Variants in COL6A5 observed in about 807,000 individuals in gnomAD.
COL6A5 encodes the protein collagen type VI alpha 5 chain, also known as collagen alpha-5(VI) chain.
Under a neutral mutation model 65.6 loss-of-function variants are expected in COL6A5, and 48 were observed. The ratio of observed to expected loss-of-function variants is 0.73; its 90% CI spans 0.58 to 0.93. The LOEUF (loss-of-function observed/expected upper bound fraction) is 0.93. Among genes scored for constraint, COL6A5 ranks in the 40% least tolerant of loss-of-function variants. The pLI is 0.00. For missense variants in COL6A5, 914 were observed against 928.3 expected (o/e 0.98, Z 0.20); for synonymous variants, 291 against 322.8 (o/e 0.90, Z 1.05).
intron 7 of COL6A5, among the ~76,000 whole-genome samples, chr3:130,482,099 T>G (rs1710262385): frequency 6.6e-6 from 1 of 152,190 alleles, no homozygotes; most frequent in African/African-American, 2.4e-5. Flanking sequence ...CTTTTGGTGT[T>G]TTAGTCATGA....
intron 1 of COL6A5, among the ~76,000 whole-genome samples, chr3:130,356,226 T>G (rs1156511878): frequency 4.6e-5 from 7 of 152,120 alleles, no homozygotes; most frequent in Admixed American, 3.9e-4. Context: ...ATTGAAGAGA[T>G]AACTGTCATA....
intron 1 of COL6A5, among the ~76,000 whole-genome samples, chr3:130,366,883 A>G (rs538296503): frequency 1.3e-5 from 2 of 152,108 alleles, no homozygotes; most frequent in Admixed American, 6.5e-5. Flanking sequence ...TAGGTTTATG[A>G]CCTTTACTGA....
chr3:130,403,718 C>CAT, intron 13 of COL6A5, 56 bp downstream of exon 13: 1 of 1,238,360 alleles, frequency 8.1e-7, no homozygotes, highest in East Asian at 2.6e-5. Flanking sequence ...TACACACACA[C>CAT]ACACACACAC....
chr3:130,442,302 C>T (rs181431861), intron 3 of COL6A5, among the ~76,000 whole-genome samples: 2 of 152,242 alleles, frequency 1.3e-5, no homozygotes, highest in African/African-American at 2.4e-5. Flanking sequence ...TTAAGGCACT[C>T]CTAAAACAAC....
In COL6A5 at chr3:130,414,133, T is replaced by C. The variant is rs939645342; in HGVS notation, c.4761+2T>C. ...GCTGAAGGATTACAAGGCCCACAGG[T>C]GTGTTGGAATATTTTGTAAATATTG... On this transcript the variant is annotated splice_donor_variant and NMD_transcript_variant, in intron 22 of 41. Coordinates refer to the COL6A5 transcript ENST00000312481. The C allele has an allele frequency of 1.9e-5, 29 of 1,546,526 alleles. No homozygotes were observed. In the Admixed American group the frequency reaches 5.3e-4, roughly 28 times the overall value.
At chr3:130,421,730 A>G (rs992479046) in intron 27 of COL6A5, among the ~76,000 whole-genome samples, 3 of 152,058 alleles carry the variant, frequency 2.0e-5, no homozygotes, top group African/African-American at 4.8e-5. Flanking sequence ...AAAGATTACA[A>G]TATCCTTCTA....
At chr3:130,459,424 C>A (rs1054394692) in intron 5 of COL6A5, among the ~76,000 whole-genome samples, 1 of 152,084 alleles carries the variant, frequency 6.6e-6, no homozygotes, top group Non-Finnish European at 1.5e-5. Flanking sequence ...TAAAAACTCA[C>A]CTGGGAGCAG....
intron 20 of COL6A5, among the ~76,000 whole-genome samples, chr3:130,412,878 A>G (rs542222725): frequency 1.3e-5 from 2 of 152,286 alleles, no homozygotes; most frequent in South Asian, 2.1e-4. Context: ...TTCCATGGCT[A>G]CATTTCTGAA....
At chr3:130,354,903 A>G (rs1439090724) in intron 1 of COL6A5, among the ~76,000 whole-genome samples, 1 of 152,230 alleles carries the variant, frequency 6.6e-6, no homozygotes, top group Non-Finnish European at 1.5e-5. Flanking sequence ...GAGATGTGCC[A>G]TAGAAGTAAA....
intron 1 of COL6A5, among the ~76,000 whole-genome samples, chr3:130,357,312 G>C (rs1421424692): frequency 6.6e-6 from 1 of 152,218 alleles, no homozygotes; most frequent in Non-Finnish European, 1.5e-5. Context: ...CTGGTAACCT[G>C]GAAGGAACTG....
chr3:130,398,018 T>A lies in COL6A5; in HGVS notation c.3910-12T>A. The A allele has an allele frequency of 6.5e-7, 1 of 1,550,108 alleles. No individual in the cohort carries two copies. Among genetic ancestry groups the A allele is most frequent in the Non-Finnish European group, 8.7e-7 (1 of 1,145,696 alleles). The stretch of plus-strand genomic sequence containing the variant: ...TTAGCTTTTACACCATACCATTTTC[T>A]TATTTCTCCAGGTGCTGCTTATTTT... On this transcript the variant is annotated splice_polypyrimidine_tract_variant and intron_variant and NMD_transcript_variant, in intron 9 of 41. Transcript: ENST00000312481.
intron 13 of COL6A5, among the ~76,000 whole-genome samples, chr3:130,403,996 C>G (rs1202670531): frequency 6.6e-6 from 1 of 152,074 alleles, no homozygotes; most frequent in Non-Finnish European, 1.5e-5. Context: ...GTGGCAGATA[C>G]CTGGGCACCC....
At chr3:130,404,620 A>T (rs564547212) in intron 13 of COL6A5, among the ~76,000 whole-genome samples, 109 of 152,238 alleles carry the variant, frequency 7.2e-4, no homozygotes, top group African/African-American at 2.5e-3. Context: ...GAATAGTGTC[A>T]CCCACCTGCC....
chr3:130,355,315 T>C (rs554047605), intron 1 of COL6A5, among the ~76,000 whole-genome samples: 28 of 152,152 alleles, frequency 1.8e-4, no homozygotes, highest in African/African-American at 6.7e-4. Context: ...ATCCCTAAAA[T>C]TTAAAAGATA....
At chr3:130,392,619 C>G (rs1166548727) in intron 7 of COL6A5, among the ~76,000 whole-genome samples, 1 of 152,148 alleles carries the variant, frequency 6.6e-6, no homozygotes, top group East Asian at 1.9e-4. Flanking sequence ...TTTCTTTCCT[C>G]CTTTATTCCT....
rs372812848 is a variant in COL6A5 at position 130,424,866 on chromosome 3, A to G, written c.5163+966A>G. 8.2e-4 allele frequency among the ~76,000 whole-genome samples: 124 copies of G among 152,076 alleles called. No homozygotes were observed. The Middle Eastern group carries it at 0.01, about 13-fold the overall frequency. On this transcript the variant is annotated intron_variant and NMD_transcript_variant, in intron 29 of 41. Transcript: ENST00000312481. ...CAGATTCTGGGGCTCTCATCTGGGG[A>G]CACCCACATCTTCCTGGTCTTGTGC...
At chr3:130,393,072 T>G (rs60959000) in intron 7 of COL6A5, among the ~76,000 whole-genome samples, 6 of 76,490 alleles carry the variant, frequency 7.8e-5, no homozygotes, top group Non-Finnish European at 1.4e-4. Context: ...ACAGTGTTTT[T>G]TTTTTGTGTG....
At chr3:130,358,772 T>C (rs1282585911) in intron 1 of COL6A5, among the ~76,000 whole-genome samples, 1 of 152,200 alleles carries the variant, frequency 6.6e-6, no homozygotes, top group African/African-American at 2.4e-5. Context: ...AGTTGTCTAA[T>C]ATTGGCCATA....
intron 1 of COL6A5, among the ~76,000 whole-genome samples, chr3:130,433,495 C>T (rs576436988): frequency 6.6e-6 from 1 of 152,340 alleles, no homozygotes; most frequent in East Asian, 1.9e-4. Flanking sequence ...TAACCCCACA[C>T]AGTCATTCTG....
Sources: allele counts gnomAD v4.1 joint callset (sites outside exome capture counted in the v4.1 genomes callset), GRCh38; gene constraint gnomAD v4.1.1; transcripts MANE v1.5; gene names NCBI Gene and HGNC (gene_info 2026-07-23, HGNC 2026-07-21).